DPP6: variants seen among roughly 807,000 people sequenced by gnomAD.
DPP6 encodes the protein A-type potassium channel modulatory protein DPP6.
A neutral mutation model predicts 122.6 loss-of-function variants in DPP6; 69 were observed. That is an observed-to-expected ratio of 0.56 (90% CI 0.46 to 0.69). The LOEUF (loss-of-function observed/expected upper bound fraction) is 0.69, where lower values mean the gene tolerates loss of function less well. DPP6 is among the 30% of genes least tolerant of loss of function. The probability of loss-of-function intolerance (pLI) is 0.00; values close to 1 mark genes in which losing one functional copy is unlikely to be tolerated. For missense variants in DPP6, 928 were observed against 1,116.9 expected, an observed-to-expected ratio of 0.83 and a Z score of 2.41; for synonymous variants, 418 against 433.1, an observed-to-expected ratio of 0.97 and a Z score of 0.43.
chr7:154,128,102 C>T (rs1808070778), intron 1 of DPP6, among the ~76,000 whole-genome samples: 1 of 150,212 alleles, frequency 6.7e-6, no homozygotes, highest in Non-Finnish European at 1.5e-5. Context: ...ACCTTACCCG[C>T]AACAGGCACA....
At chr7:153,955,171 G>A (rs6944884) in intron 1 of DPP6, among the ~76,000 whole-genome samples, 120,849 of 152,152 alleles carry the variant, frequency 0.79, 49,073 homozygotes, top group East Asian at 1. Flanking sequence ...CTGGGAGGTA[G>A]GAAAACAAGG....
At chr7:154,765,141 T>G (rs1795819209) in intron 8 of DPP6, among the ~76,000 whole-genome samples, 1 of 152,224 alleles carries the variant, frequency 6.6e-6, no homozygotes, top group Non-Finnish European at 1.5e-5. Flanking sequence ...TTTATTTCAC[T>G]TAGCACAAGT....
intron 7 of DPP6, among the ~76,000 whole-genome samples, chr7:154,679,137 G>A (rs1243317689): frequency 2.0e-5 from 3 of 152,114 alleles, no homozygotes; most frequent in Admixed American, 6.6e-5. Flanking sequence ...GCTTCATGAC[G>A]GGCCAGCCCC....
the DPP6 span, among the ~76,000 whole-genome samples, chr7:153,870,565 A>G: frequency 6.6e-6 from 1 of 152,144 alleles, no homozygotes; most frequent in East Asian, 1.9e-4. Flanking sequence ...ATTTTTCCCA[A>G]GGTTTTTAAC....
intron 8 of DPP6, among the ~76,000 whole-genome samples, chr7:154,758,141 G>A (rs578153847): frequency 1.3e-5 from 2 of 152,314 alleles, no homozygotes; most frequent in South Asian, 4.1e-4. Flanking sequence ...ACTGTAGTTG[G>A]CAGTTACTTT....
At chr7:154,514,290 A>T (rs1826319674) in intron 3 of DPP6, among the ~76,000 whole-genome samples, 1 of 152,074 alleles carries the variant, frequency 6.6e-6, no homozygotes, top group African/African-American at 2.4e-5. Flanking sequence ...AGAAAAAAAT[A>T]AATGGGTTAG....
chr7:154,838,224 T>A (rs950008251), intron 16 of DPP6, among the ~76,000 whole-genome samples: 2 of 152,216 alleles, frequency 1.3e-5, no homozygotes, highest in Non-Finnish European at 1.5e-5. Context: ...GTCAGGAATG[T>A]TTTTAGATTC....
At chr7:153,966,871 A>C (rs909856393) in intron 1 of DPP6, among the ~76,000 whole-genome samples, 1 of 151,480 alleles carries the variant, frequency 6.6e-6, no homozygotes, top group African/African-American at 2.4e-5. Flanking sequence ...ATTCAAGTCC[A>C]GCCTGAGCAA....
chr7:153,762,008 T>C, the DPP6 span, among the ~76,000 whole-genome samples: 2 of 152,134 alleles, frequency 1.3e-5, no homozygotes, highest in Non-Finnish European at 2.9e-5. Context: ...CCAAAGATAA[T>C]GGGACTTATT....
At chr7:154,857,395 G>A (rs1425228552) in intron 17 of DPP6, among the ~76,000 whole-genome samples, 2 of 152,174 alleles carry the variant, frequency 1.3e-5, no homozygotes, top group East Asian at 3.8e-4. Context: ...ATAGCTGCAC[G>A]AATGGCTTTG....
At chr7:154,172,657 GT>G (rs1797596726) in intron 1 of DPP6, among the ~76,000 whole-genome samples, 1 of 149,834 alleles carries the variant, frequency 6.7e-6, no homozygotes, top group Non-Finnish European at 1.5e-5. Flanking sequence ...ATGGACTGCA[GT>G]GGTGCCATCA....
At chr7:154,313,057 ATCTCAAATCAGGCC>A (rs1409327887) in intron 1 of DPP6, among the ~76,000 whole-genome samples, 1 of 152,236 alleles carries the variant, frequency 6.6e-6, no homozygotes, top group African/African-American at 2.4e-5. Context: ...CTAAGTATGT[ATCTCAAATCAGGCC>A]TCTGAGTGGG....
chr7:154,775,885 C>A (rs59590317), intron 10 of DPP6, among the ~76,000 whole-genome samples: 2,459 of 152,290 alleles, frequency 0.016, 61 homozygotes, highest in African/African-American at 0.055. Context: ...CCTGCAGTCT[C>A]CCCATCATGG....
At chr7:153,790,959 C>G in the DPP6 span, among the ~76,000 whole-genome samples, 2 of 152,018 alleles carry the variant, frequency 1.3e-5, no homozygotes, top group Non-Finnish European at 2.9e-5. Context: ...TTTTGGAAGA[C>G]CCGAGGAGAT....
chr7:154,027,615 G>A (rs970638490), intron 1 of DPP6, among the ~76,000 whole-genome samples: 1 of 152,044 alleles, frequency 6.6e-6, no homozygotes, highest in African/African-American at 2.4e-5. Flanking sequence ...TATGAATTTG[G>A]GGAGGGGGCG....
chr7:154,127,678 A>ACACAC (rs777341459), intron 1 of DPP6, among the ~76,000 whole-genome samples: 1 of 130,324 alleles, frequency 7.7e-6, no homozygotes, highest in Admixed American at 7.2e-5. Context: ...CACACACACA[A>ACACAC]AACAGCTCTT....
rs543008284 is a variant in DPP6 at position 154,013,816 on chromosome 7, G to A, written c.51+126082G>A. ...ACTAGGAGTGTACAAGGGACAGATT[G>A]TCAGCTGTCATCCAAGTCCCTTTCA... On this transcript the variant is annotated intron_variant, in intron 1 of 25. Coordinates refer to the DPP6 transcript ENST00000404039. Among the ~76,000 whole-genome samples, 266 of 152,086 alleles carry A rather than the reference G, an allele frequency of 1.7e-3. 2 individuals are homozygous for A. Among genetic ancestry groups the A allele is most frequent in the African/African-American group, 6.1e-3 (255 of 41,464 alleles).
At chr7:154,413,337 G>C (rs1275880763) in intron 1 of DPP6, among the ~76,000 whole-genome samples, 1 of 152,178 alleles carries the variant, frequency 6.6e-6, no homozygotes, top group Non-Finnish European at 1.5e-5. Context: ...AGAGATCACA[G>C]GCTGTTTCTA....
At chr7:154,675,139 A>C (rs1838806048) in intron 7 of DPP6, among the ~76,000 whole-genome samples, 1 of 152,150 alleles carries the variant, frequency 6.6e-6, no homozygotes, top group African/African-American at 2.4e-5. Context: ...GTTCTCACTC[A>C]TAGGTGGGAA....
Sources: gnomAD v4.1 joint callset for allele counts (sites outside exome capture counted in the v4.1 genomes callset) on GRCh38, gnomAD v4.1.1 for gene constraint, MANE v1.5 for transcripts, NCBI Gene and HGNC (gene_info 2026-07-23, HGNC 2026-07-21) for gene names.